KCTD3: variants seen among roughly 807,000 people sequenced by gnomAD.
KCTD3 encodes the protein potassium channel tetramerization domain containing 3, also known as BTB/POZ domain-containing protein KCTD3.
Under a neutral mutation model 85.8 loss-of-function variants are expected in KCTD3, and 41 were observed. The observed-to-expected ratio is 0.48, with a 90% confidence interval of 0.37 to 0.62. The LOEUF is 0.62. Ranked by LOEUF, KCTD3 falls within the 20% of genes least tolerant of loss-of-function variation. The probability of loss-of-function intolerance (pLI) is 0.00; values close to 1 mark genes in which losing one functional copy is unlikely to be tolerated. For synonymous variants in KCTD3, 338 were observed against 345.4 expected (o/e 0.98, Z 0.24); for missense variants, 724 against 989.9 (o/e 0.73, Z 3.60).
At position 215,579,441 on chromosome 1, in the gene KCTD3, C is replaced by T. The variant is rs148306152; in HGVS notation, c.535+304C>T. 2.6e-5 allele frequency among the ~76,000 whole-genome samples: 4 copies of T among 152,038 alleles called. No individual in the cohort carries two copies. In the East Asian group the frequency reaches 7.7e-4, roughly 29 times the overall value. On this transcript the variant is annotated intron_variant, in intron 7 of 17. Coordinates refer to ENST00000259154, the MANE Select transcript of KCTD3 (RefSeq NM_016121.5). The stretch of plus-strand genomic sequence containing the variant: ...GACCTACTCAACTTTGCCATTGTAG[C>T]ATGAACACATAATGGACAATATGTA...
At chr1:215,570,904 T>C (rs1001338814) in intron 1 of KCTD3, among the ~76,000 whole-genome samples, 1 of 152,168 alleles carries the variant, frequency 6.6e-6, no homozygotes, top group Non-Finnish European at 1.5e-5. Flanking sequence ...ATGCTCATCA[T>C]GTGTAATTTT....
At chr1:215,584,607 C>G (rs1659941935) in intron 8 of KCTD3, among the ~76,000 whole-genome samples, 1 of 152,098 alleles carries the variant, frequency 6.6e-6, no homozygotes, top group Non-Finnish European at 1.5e-5. Context: ...TTTACTTACC[C>G]CAGACAGGTC....
At position 215,567,617 on chromosome 1, in the gene KCTD3, G is replaced by A; in HGVS notation, c.-69G>A. 1 of 1,053,838 alleles carries A rather than the reference G, an allele frequency of 9.5e-7. No individual in the cohort carries two copies. The highest frequency in any genetic ancestry group is 4.9e-5 in the South Asian group (1 of 20,476). 65.3% of individuals were successfully genotyped at this position (1,053,838 alleles called of 1,614,324 possible). On this transcript the variant is annotated 5_prime_UTR_variant, in exon 1 of 18. Transcript: ENST00000259154. ...CCTGCAGCCGTCGCCGCTGCCTCGG[G>A]CTACAGCCCCGGGCTCGGCGGTCCC... is the stretch of plus-strand genomic sequence containing the variant.
chr1:215,621,441 T>C lies in KCTD3; in HGVS notation c.*823T>C, dbSNP rs1655685202. The C allele has an allele frequency of 6.6e-6, 1 of 152,032 alleles. No individual in the cohort carries two copies. Among genetic ancestry groups the C allele is most frequent in the Non-Finnish European group, 1.5e-5 (1 of 67,956 alleles). The allele number at this position is 152,032 out of a possible 1,614,324, so 9.4% of individuals were successfully genotyped here. A position where few individuals can be genotyped will look rare whatever the true frequency, so the allele number is the denominator to read the frequency against. ...GTTTTTTTTTCAGTGTTAACAACAA[T>C]CATGATAATTAAATTAAAACACTAG... is the stretch of plus-strand genomic sequence containing the variant. On this transcript the variant is annotated 3_prime_UTR_variant, in exon 18 of 18. Coordinates refer to ENST00000259154, the MANE Select transcript of KCTD3 (RefSeq NM_016121.5).
chr1:215,617,461 A>G (rs1469732256), intron 15 of KCTD3, among the ~76,000 whole-genome samples: 1 of 152,290 alleles, frequency 6.6e-6, no homozygotes, highest in East Asian at 1.9e-4. Flanking sequence ...TGTCTGCTGC[A>G]GAATCGACTG....
intron 10 of KCTD3, among the ~76,000 whole-genome samples, chr1:215,597,336 G>T (rs1310501142): frequency 1.3e-5 from 2 of 151,874 alleles, no homozygotes; most frequent in Non-Finnish European, 2.9e-5. Flanking sequence ...TATTAATAAG[G>T]AATTAATTGG....
At chr1:215,610,354 C>A (rs1326782585) in intron 14 of KCTD3, among the ~76,000 whole-genome samples, 4 of 151,756 alleles carry the variant, frequency 2.6e-5, no homozygotes, top group Non-Finnish European at 5.9e-5. Context: ...CCAACTTTCT[C>A]CCTCATTAAA....
In KCTD3 at chr1:215,577,574, CTA is replaced by C. The variant is rs1455974700; in HGVS notation, c.258-91_258-90del. On this transcript the variant is annotated intron_variant, in intron 4 of 17. Transcript: ENST00000259154. ...GAAAATAATTTTTAAAGCCTTATGA[CTA>C]TATACATGAAGAACCTAGAATTTTT... is the stretch of plus-strand genomic sequence containing the variant. 1.0e-4 allele frequency: 80 copies of C among 768,934 alleles called. No homozygotes were observed. In the East Asian group the frequency reaches 2.0e-3, roughly 19 times the overall value. 47.6% of individuals were successfully genotyped at this position (768,934 alleles called of 1,614,324 possible).
At chr1:215,568,259 A>C (rs1327432756) in intron 1 of KCTD3, among the ~76,000 whole-genome samples, 1 of 151,978 alleles carries the variant, frequency 6.6e-6, no homozygotes, top group Non-Finnish European at 1.5e-5. Flanking sequence ...TGTAATTTGA[A>C]AGATTTCTGT....
rs1395124283 is a variant in KCTD3 at position 215,579,106 on chromosome 1, C to T, written c.504C>T (p.Leu168=). The part of the protein sequence containing the change: ...EARGNGTQPV[L]SGTGEETVRL... ...GGGGAAATGGTACACAGCCTGTTCT[C>T]TCTGGAACGGGAGAAGAAACTGTTA... Residue 168 remains leucine (L), a synonymous_variant, in exon 7 of 18, where the codon CTC becomes CTT. Transcript: ENST00000259154. 2 of 1,609,328 alleles carry T rather than the reference C, an allele frequency of 1.2e-6. No homozygotes were observed. The highest frequency in any genetic ancestry group is 2.7e-5 in the African/African-American group (2 of 74,448).
intron 10 of KCTD3, among the ~76,000 whole-genome samples, chr1:215,601,081 G>C (rs947024225): frequency 6.6e-6 from 1 of 152,146 alleles, no homozygotes; most frequent in East Asian, 1.9e-4. Context: ...GGGATTACTG[G>C]CATGCGCCAC....
chr1:215,614,818 ATC>A (rs1419470873), intron 15 of KCTD3, among the ~76,000 whole-genome samples: 3 of 152,228 alleles, frequency 2.0e-5, no homozygotes, highest in South Asian at 2.1e-4. Flanking sequence ...TTTTCAACAT[ATC>A]TGTTAATATT....
chr1:215,582,919 C>A (rs1174909435), intron 8 of KCTD3, among the ~76,000 whole-genome samples: 2 of 152,072 alleles, frequency 1.3e-5, no homozygotes, highest in African/African-American at 4.8e-5. Context: ...CAAATATGTA[C>A]CTTCTTTGTA....
Position 215,611,818 on chromosome 1 carries a change from G to T in KCTD3, c.1466-7G>T. ...TAATTTTTTGACATTTTTGTTTTCT[G>T]ATCAAGGACCTTTTGGAGAGCGAGA... is the stretch of plus-strand genomic sequence containing the variant. On this transcript the variant is annotated splice_polypyrimidine_tract_variant and splice_region_variant and intron_variant, in intron 14 of 17. Transcript: ENST00000259154. The T allele has an allele frequency of 6.3e-7, 1 of 1,582,300 alleles. No individual in the cohort carries two copies. Among genetic ancestry groups the T allele is most frequent in the Non-Finnish European group, 8.6e-7 (1 of 1,160,738 alleles).
intron 8 of KCTD3, among the ~76,000 whole-genome samples, chr1:215,584,733 G>A (rs1462612772): frequency 1.3e-5 from 2 of 152,144 alleles, no homozygotes; most frequent in African/African-American, 4.8e-5. Context: ...CTGAAAGCAT[G>A]CTATTCCAGT....
At chr1:215,576,063 G>GTTT in intron 4 of KCTD3, 89 bp downstream of exon 4, 4 of 617,654 alleles carry the variant, frequency 6.5e-6, no homozygotes, top group Middle Eastern at 3.9e-4. Flanking sequence ...TTTTTTGTTT[G>GTTT]TTTTTTTTTT....
At chr1:215,573,922 A>G in intron 2 of KCTD3, 83 bp downstream of exon 2, 2 of 1,065,198 alleles carry the variant, frequency 1.9e-6, no homozygotes, top group Non-Finnish European at 2.7e-6. Flanking sequence ...AATTTTTTTT[A>G]ATAAAAAAGG....
In KCTD3 at chr1:215,573,802, C is replaced by A; in HGVS notation, c.100C>A (p.Gln34Lys). ...TAATTGCAGATTTAGTACCTCAAGACAAACTCTTATGTGGATTCCAGATTC... is the reference window on the plus strand; with the variant it reads ...TAATTGCAGATTTAGTACCTCAAGAAAAACTCTTATGTGGATTCCAGATTC... ...VGGTRFSTSR[Q>K]TLMWIPDSFF... is the part of the protein sequence containing the mutation. Residue 34 changes from glutamine (Q) to lysine (K), a missense_variant, in exon 2 of 18, where the codon CAA (glutamine) becomes AAA (lysine). By Grantham distance (53) the Gln-to-Lys change is moderately conservative. Transcript: ENST00000259154. The A allele has an allele frequency of 6.3e-7, 1 of 1,576,972 alleles. No individual in the cohort carries two copies. The highest frequency in any genetic ancestry group is 8.7e-7 in the Non-Finnish European group (1 of 1,151,686).
At chr1:215,570,469 A>G (rs994444674) in intron 1 of KCTD3, among the ~76,000 whole-genome samples, 7 of 152,190 alleles carry the variant, frequency 4.6e-5, no homozygotes, top group Non-Finnish European at 1.0e-4. Context: ...CTCATGCAAG[A>G]GGGCTGGGAC....
Sources: gnomAD v4.1 joint callset for allele counts (sites outside exome capture counted in the v4.1 genomes callset) on GRCh38, gnomAD v4.1.1 for gene constraint, MANE v1.5 for transcripts, NCBI Gene and HGNC (gene_info 2026-07-23, HGNC 2026-07-21) for gene names.